Variants in NPHP4 observed in about 807,000 individuals in gnomAD.
NPHP4 encodes the protein nephrocystin-4.
Under a neutral mutation model 155.8 loss-of-function variants are expected in NPHP4, and 151 were observed. The ratio of observed to expected loss-of-function variants is 0.97; its 90% CI spans 0.85 to 1.11. The LOEUF (loss-of-function observed/expected upper bound fraction) is 1.11. Among genes scored for constraint, NPHP4 ranks in the 50% least tolerant of loss-of-function variants. The pLI, the probability that NPHP4 is intolerant of heterozygous loss-of-function variation, is 0.00. For synonymous variants in NPHP4, 845 were observed against 816.8 expected (o/e 1.03, Z -0.59); for missense variants, 1,956 against 1,925.7 (o/e 1.02, Z -0.29).
rs764789982 is a variant in NPHP4 at position 5,905,459 on chromosome 1, G to A, written c.1788C>T (p.Ala596=). 3 of 1,606,032 alleles carry A rather than the reference G, an allele frequency of 1.9e-6. No individual in the cohort carries two copies. The Admixed American group carries it at 5.0e-5, about 27-fold the overall frequency. ...TRSSAGQPSR[A]SMVLLQSSGF... ...CGGAGGACTGCAGGAGCACCATGGA[G>A]GCTCTCGAGGGCTGCCCTGCAGAGC... The change falls in exon 15 of 30, where the codon GCC becomes GCT. Residue 596 remains alanine, a synonymous_variant. Transcript: ENST00000378156. The surrounding 1 kb of genome is among the most constrained non-coding windows in gnomAD (Gnocchi z 4.0).
Position 5,978,287 on chromosome 1 carries a change from T to C in NPHP4, c.262A>G (p.Arg88Gly), listed in dbSNP as rs894022248. The change falls in exon 3 of 30, where the codon AGG (arginine) becomes GGG (glycine). Residue 88 changes from arginine (R) to glycine (G), a missense_variant. Transcript: ENST00000378156. ...GGGCCCACCTCATTAAAGACGATCCTGGACGGCGGTCTCTTCGTCGGCTTC... is the reference window on the plus strand; with the variant it reads ...GGGCCCACCTCATTAAAGACGATCCCGGACGGCGGTCTCTTCGTCGGCTTC... Reference protein sequence around the residue: ...TVKPTKRPPSRIVFNEPLYFH... With the variant: ...TVKPTKRPPSGIVFNEPLYFH... 2.1e-5 allele frequency: 33 copies of C among 1,607,748 alleles called. No homozygotes were observed. Among genetic ancestry groups the C allele is most frequent in the Non-Finnish European group, 2.7e-5 (32 of 1,177,464 alleles).
intron 2 of NPHP4, among the ~76,000 whole-genome samples, chr1:5,982,375 G>C (rs1654848631): frequency 6.6e-6 from 1 of 152,168 alleles, no homozygotes; most frequent in African/African-American, 2.4e-5. Context: ...ATACAGGTTT[G>C]TAGCCTAGAA....
intron 1 of NPHP4, among the ~76,000 whole-genome samples, chr1:5,989,015 T>C (rs1362765990): frequency 1.3e-5 from 2 of 152,226 alleles, no homozygotes; most frequent in Non-Finnish European, 2.9e-5. Flanking sequence ...TCCCTTGTTT[T>C]GTGGAGGACC....
intron 3 of NPHP4, among the ~76,000 whole-genome samples, chr1:5,976,015 G>A (rs1044924437): frequency 1.4e-4 from 21 of 152,284 alleles, no homozygotes; most frequent in South Asian, 4.1e-4. Flanking sequence ...GAGGAGGAGG[G>A]AACTGGCCCC....
chr1:5,982,939 G>A (rs1324030676), intron 2 of NPHP4, among the ~76,000 whole-genome samples: 17 of 152,046 alleles, frequency 1.1e-4, no homozygotes, highest in Non-Finnish European at 1.8e-4. Context: ...CCCAGCATAC[G>A]GTCTATCTTG....
rs764632297 is a variant in NPHP4 at position 5,865,098 on chromosome 1, G to A, written c.3816+4C>T. The A allele has an allele frequency of 1.5e-5, 24 of 1,613,074 alleles. No individual in the cohort carries two copies. The highest frequency in any genetic ancestry group is 3.3e-5 in the Admixed American group (2 of 59,982). On this transcript the variant is annotated splice_donor_region_variant and intron_variant, in intron 27 of 29. Transcript: ENST00000378156. Reference sequence around the variant, plus strand: ...GCTCAGAACAGCCCCCAGAGAGGCCGTACCTTCAGCTCCTGGGGATGAGAG... The same window carrying A: ...GCTCAGAACAGCCCCCAGAGAGGCCATACCTTCAGCTCCTGGGGATGAGAG...
intron 3 of NPHP4, among the ~76,000 whole-genome samples, chr1:5,976,545 C>T (rs886654982): frequency 4.6e-5 from 7 of 152,352 alleles, no homozygotes; most frequent in East Asian, 1.9e-4. Context: ...ACCCCCTGCC[C>T]GCGCTGAAAC....
At chr1:5,934,742 C>T (rs924630771) in intron 9 of NPHP4, among the ~76,000 whole-genome samples, 13 of 152,286 alleles carry the variant, frequency 8.5e-5, no homozygotes, top group African/African-American at 2.9e-4. Flanking sequence ...GGAAGGAGGA[C>T]GCGTCCCACT....
chr1:5,898,508 G>A (rs879578634), intron 16 of NPHP4, among the ~76,000 whole-genome samples: 3 of 152,228 alleles, frequency 2.0e-5, no homozygotes, highest in Middle Eastern at 3.2e-3. Flanking sequence ...CAGGGCCTTG[G>A]CACGAGCCCC....
intron 16 of NPHP4, among the ~76,000 whole-genome samples, chr1:5,897,160 C>T (rs1644434871): frequency 6.6e-6 from 1 of 152,096 alleles, no homozygotes; most frequent in African/African-American, 2.4e-5. Flanking sequence ...CTAATAAAGG[C>T]AGAGCAGACC....
Position 5,889,684 on chromosome 1 carries a change from T to C in NPHP4, c.2304+1184A>G, listed in dbSNP as rs746775103. Among the ~76,000 whole-genome samples the C allele has an allele frequency of 6.6e-5, 10 of 152,108 alleles. No homozygotes were observed. The highest frequency in any genetic ancestry group is 1.3e-4 in the Non-Finnish European group (9 of 68,010). ...GGCCTGTGCTAGAGATGCTGTGGTG[T>C]CGACACACAGTCCTGCCCTGGGGAC... is the stretch of plus-strand genomic sequence containing the variant. On this transcript the variant is annotated intron_variant, in intron 17 of 29. Transcript: ENST00000378156. The surrounding 1 kb of genome is among the most constrained non-coding windows in gnomAD (Gnocchi z 4.2).
In NPHP4 at chr1:5,889,461, T is replaced by C. The variant is rs369589086; in HGVS notation, c.2304+1407A>G. ...ATGTCAACAAGCGTAACGGCACTTG[T>C]TTAAGGGGCTCTTCGTGTAGGGGGA... On this transcript the variant is annotated intron_variant, in intron 17 of 29. Coordinates refer to ENST00000378156, the MANE Select transcript of NPHP4 (RefSeq NM_015102.5). This position sits in a 1 kb window ranked among gnomAD's most constrained non-coding sequence, Gnocchi z 4.2. Among the ~76,000 whole-genome samples the C allele has an allele frequency of 1.4e-4, 22 of 152,324 alleles. No homozygotes were observed. The East Asian group carries it at 4.2e-3, about 29-fold the overall frequency.
intron 23 of NPHP4, among the ~76,000 whole-genome samples, chr1:5,868,738 T>C (rs1375046809): frequency 1.0e-5 from 1 of 97,736 alleles, no homozygotes; most frequent in South Asian, 2.9e-4. Flanking sequence ...CCCACATGCA[T>C]GCACCCACAC....
intron 5 of NPHP4, among the ~76,000 whole-genome samples, chr1:5,965,162 G>A (rs1037088301): frequency 6.6e-6 from 1 of 151,654 alleles, no homozygotes; most frequent in Non-Finnish European, 1.5e-5. Context: ...CAAACTCCTG[G>A]CCTTAAGCAA....
chr1:5,953,473 C>T (rs147540553), intron 6 of NPHP4, among the ~76,000 whole-genome samples: 28 of 152,336 alleles, frequency 1.8e-4, no homozygotes, highest in African/African-American at 6.7e-4. Context: ...CACGTGCGGC[C>T]CTGCAGCCTG....
At chr1:5,884,197 AG>A (rs1186302236) in intron 18 of NPHP4, among the ~76,000 whole-genome samples, 1 of 152,078 alleles carries the variant, frequency 6.6e-6, no homozygotes, top group Non-Finnish European at 1.5e-5. Flanking sequence ...CTGCAGGGGC[AG>A]GAATTCCCTC....
chr1:5,927,567 T>C, intron 11 of NPHP4, 82 bp downstream of exon 11: 3 of 1,421,694 alleles, frequency 2.1e-6, no homozygotes, highest in Non-Finnish European at 2.9e-6. Flanking sequence ...ATTACCGTAC[T>C]AGACTAAGTA....
rs1035247178 is a variant in NPHP4, at chr1:5,865,293, A to C, written c.3645-20T>G. ...CGATCCCTGCAGTGGGATGGGAGCC[A>C]TCTGCACTTGTCCCGGAGGACTCAG... On this transcript the variant is annotated intron_variant, in intron 26 of 29. Transcript: ENST00000378156. 6.6e-7 allele frequency: 1 copy of C among 1,519,806 alleles called. No individual in the cohort carries two copies. The highest frequency in any genetic ancestry group is 1.9e-5 in the Admixed American group (1 of 52,288). The allele number at this position is 1,519,806 out of a possible 1,614,324, so 94.1% of individuals were successfully genotyped here.
intron 12 of NPHP4, 54 bp downstream of exon 12, chr1:5,909,098 T>G: frequency 7.1e-7 from 1 of 1,399,600 alleles, no homozygotes; most frequent in African/African-American, 1.4e-5. Flanking sequence ...AGGGTTTTCT[T>G]GCAAGTAATT....
Sources: gnomAD v4.1 joint callset for allele counts (sites outside exome capture counted in the v4.1 genomes callset) on GRCh38, gnomAD v4.1.1 for gene constraint, Gnocchi (gnomAD v3.1) non-coding constraint, MANE v1.5 for transcripts, NCBI Gene and HGNC (gene_info 2026-07-23, HGNC 2026-07-21) for gene names.